KAZN: variants seen among roughly 807,000 people sequenced by gnomAD.
The protein encoded by KAZN is kazrin.
Under a neutral mutation model 87.4 loss-of-function variants are expected in KAZN, and 40 were observed. The observed-to-expected ratio is 0.46, with a 90% CI of 0.36 to 0.60. KAZN has a LOEUF of 0.60. Among genes scored for constraint, KAZN ranks in the 20% least tolerant of loss-of-function variants. The pLI is 0.00. For synonymous variants in KAZN, 466 were observed against 458.3 expected (o/e 1.02, Z -0.22); for missense variants, 898 against 1,073.9 (o/e 0.84, Z 2.29).
rs916692511 is a variant in KAZN, at chr1:14,773,327, C to T, written c.226+174104C>T. On this transcript the variant is annotated intron_variant, in intron 1 of 14. Transcript: ENST00000376030. The surrounding 1 kb of genome is among the most constrained non-coding windows in gnomAD (Gnocchi z 5.9). Reference sequence around the variant, plus strand: ...GGCGTATGAGAAGACCACCCCCCACCCAATCCACCTCCCACCTCACCTGCC... The same window carrying T: ...GGCGTATGAGAAGACCACCCCCCACTCAATCCACCTCCCACCTCACCTGCC... Among the ~76,000 whole-genome samples the T allele has an allele frequency of 6.6e-6, 1 of 152,082 alleles. No individual in the cohort carries two copies. The highest frequency in any genetic ancestry group is 1.5e-5 in the Non-Finnish European group (1 of 68,014).
chr1:14,055,103 A>G (rs926666431), intron 1 of KAZN, among the ~76,000 whole-genome samples: 23 of 152,172 alleles, frequency 1.5e-4, no homozygotes, highest in African/African-American at 5.6e-4. Flanking sequence ...GAGGAAGGAG[A>G]CCTGTCTTTG....
At chr1:14,924,628 G>A in intron 1 of KAZN, 1 of 943,614 alleles carries the variant, frequency 1.1e-6, no homozygotes, top group Non-Finnish European at 1.3e-6. Flanking sequence ...CCCAGGAGCC[G>A]CCGGGGCCGG....
chr1:14,144,262 G>A (rs551347325), intron 1 of KAZN, among the ~76,000 whole-genome samples: 47 of 152,108 alleles, frequency 3.1e-4, no homozygotes, highest in African/African-American at 1.1e-3. Context: ...TTTGCTCTGC[G>A]TTAGATCCCT....
chr1:14,594,477 G>A (rs766174683), upstream of KAZN, among the ~76,000 whole-genome samples: 5 of 152,198 alleles, frequency 3.3e-5, no homozygotes, highest in Non-Finnish European at 5.9e-5. Context: ...TATGAGCCGA[G>A]GCCTGGACCT....
intron 1 of KAZN, among the ~76,000 whole-genome samples, chr1:14,875,120 T>C (rs887182942): frequency 6.6e-6 from 1 of 151,868 alleles, no homozygotes; most frequent in African/African-American, 2.4e-5. Flanking sequence ...TCACCTGAGA[T>C]TGGGAGTTCA....
At chr1:14,278,836 C>A (rs1296035031) in intron 2 of KAZN, among the ~76,000 whole-genome samples, 1 of 150,282 alleles carries the variant, frequency 6.7e-6, no homozygotes, top group Admixed American at 6.6e-5. Flanking sequence ...TTTTTTTAGT[C>A]TGTGCATGTT....
At position 15,021,218 on chromosome 1, in the gene KAZN, C is replaced by T. The variant is rs958246342; in HGVS notation, c.419-13531C>T. 3.9e-5 allele frequency among the ~76,000 whole-genome samples: 6 copies of T among 152,302 alleles called. No individual in the cohort carries two copies. The highest frequency in any genetic ancestry group is 6.5e-5 in the Admixed American group (1 of 15,306). The stretch of plus-strand genomic sequence containing the variant: ...TCCATGCTGCCTCTTCCTCCTTTCT[C>T]AAGACCGAGCCCAGGCCATTATCTT... On this transcript the variant is annotated intron_variant, in intron 2 of 14. Coordinates refer to ENST00000376030, the MANE Select transcript of KAZN (RefSeq NM_201628.3). This position sits in a 1 kb window ranked among gnomAD's most constrained non-coding sequence, Gnocchi z 4.2.
rs1426224584 is a variant in KAZN at position 15,116,878 on chromosome 1, G to C, written c.*2243G>C. 6.6e-6 allele frequency: 1 copy of C among 152,194 alleles called. No homozygotes were observed. The highest frequency in any genetic ancestry group is 2.4e-5 in the African/African-American group (1 of 41,440). The allele number at this position is 152,194 out of a possible 1,614,324, so 9.4% of individuals were successfully genotyped here. A position where few individuals can be genotyped will look rare whatever the true frequency, so the allele number is the denominator to read the frequency against. On this transcript the variant is annotated 3_prime_UTR_variant, in exon 15 of 15. Transcript: ENST00000376030. ...GGGGGTCACTGGCAGAGACAGTATT[G>C]CCCAAAATGTTCACAGCAGGAGGCC...
intron 1 of KAZN, among the ~76,000 whole-genome samples, chr1:13,940,944 C>T (rs573127447): frequency 6.6e-6 from 1 of 152,144 alleles, no homozygotes; most frequent in Non-Finnish European, 1.5e-5. Context: ...CCTGTAAACC[C>T]AGCACTTTGG....
intron 2 of KAZN, among the ~76,000 whole-genome samples, chr1:15,000,754 G>A (rs968009078): frequency 6.6e-6 from 1 of 151,866 alleles, no homozygotes; most frequent in African/African-American, 2.4e-5. Context: ...GGAAAGAGGG[G>A]GTGTGCCTGG....
intron 1 of KAZN, among the ~76,000 whole-genome samples, chr1:14,673,597 G>A (rs189008330): frequency 3.3e-5 from 5 of 152,278 alleles, no homozygotes; most frequent in East Asian, 3.9e-4. Flanking sequence ...GAAGGAAGAC[G>A]TGTTGTTGGA....
chr1:14,162,711 A>AT (rs951800364), intron 1 of KAZN, among the ~76,000 whole-genome samples: 2 of 151,428 alleles, frequency 1.3e-5, no homozygotes, highest in African/African-American at 4.9e-5. Context: ...TGGCTGGCTA[A>AT]TTTTTTGTAT....
chr1:14,571,822 T>C (rs1219540775), intron 2 of KAZN, among the ~76,000 whole-genome samples: 1 of 152,050 alleles, frequency 6.6e-6, no homozygotes, highest in Non-Finnish European at 1.5e-5. Flanking sequence ...AGCTAAGTAA[T>C]GAGGATGGCA....
At chr1:14,627,177 A>G (rs919617610) in intron 1 of KAZN, among the ~76,000 whole-genome samples, 1 of 151,830 alleles carries the variant, frequency 6.6e-6, no homozygotes, top group African/African-American at 2.4e-5. Context: ...TGATGGGGGC[A>G]TCAGGGAAGC....
At chr1:13,957,044 C>G (rs1180662193) in intron 1 of KAZN, among the ~76,000 whole-genome samples, 4 of 152,144 alleles carry the variant, frequency 2.6e-5, no homozygotes, top group Non-Finnish European at 5.9e-5. Context: ...TGCATTTACT[C>G]TGAGCCTTGT....
chr1:15,050,159 G>GATAGATA (rs201481507), intron 4 of KAZN, among the ~76,000 whole-genome samples: 7,280 of 131,310 alleles, frequency 0.055, 358 homozygotes, highest in African/African-American at 0.11. Flanking sequence ...AGAATAGAAT[G>GATAGATA]GAATAGAATA....
At chr1:15,078,389 AGC>A (rs1639852721) in intron 8 of KAZN, among the ~76,000 whole-genome samples, 2 of 152,218 alleles carry the variant, frequency 1.3e-5, no homozygotes, top group East Asian at 3.8e-4. Context: ...TGGGCAACAC[AGC>A]GAGACTCCAT....
intron 8 of KAZN, among the ~76,000 whole-genome samples, chr1:15,084,595 CTGT>C (rs1455336494): frequency 6.6e-6 from 1 of 152,206 alleles, no homozygotes; most frequent in African/African-American, 2.4e-5. Context: ...GCTATCAGGA[CTGT>C]TATCAGGGGG....
At chr1:14,898,350 T>C (rs901626325) in intron 1 of KAZN, among the ~76,000 whole-genome samples, 1 of 152,038 alleles carries the variant, frequency 6.6e-6, no homozygotes, top group African/African-American at 2.4e-5. Flanking sequence ...ACTGAGACGG[T>C]TCTGCTCCTC....
Sources: allele counts gnomAD v4.1 joint callset (sites outside exome capture counted in the v4.1 genomes callset), GRCh38; gene constraint gnomAD v4.1.1; non-coding constraint Gnocchi (gnomAD v3.1); transcripts MANE v1.5; gene names NCBI Gene and HGNC (gene_info 2026-07-23, HGNC 2026-07-21).